SCRN3: variants seen among roughly 807,000 people sequenced by gnomAD.
The protein encoded by SCRN3 is secernin 3.
A neutral mutation model predicts 43.1 loss-of-function variants in SCRN3; 39 were observed. The observed-to-expected ratio is 0.91, with a 90% CI of 0.70 to 1.18. The LOEUF (loss-of-function observed/expected upper bound fraction) is 1.18, where lower values mean the gene tolerates loss of function less well. Ranked by LOEUF, SCRN3 falls within the 50% of genes most tolerant of loss-of-function variation. The pLI, the probability that SCRN3 is intolerant of heterozygous loss-of-function variation, is 0.00. For synonymous variants in SCRN3, 147 were observed against 163.1 expected, an observed-to-expected ratio of 0.90 and a Z score of 0.75; for missense variants, 484 against 498.0, an observed-to-expected ratio of 0.97 and a Z score of 0.27.
intron 4 of SCRN3, 111 bp downstream of exon 4, chr2:174,401,300 G>A (rs1027029023): frequency 2.5e-6 from 2 of 804,940 alleles, no homozygotes; most frequent in South Asian, 2.1e-5. Flanking sequence ...GTGTAATGAA[G>A]GGTTGAACTG....
intron 5 of SCRN3, among the ~76,000 whole-genome samples, chr2:174,412,069 T>C (rs920767960): frequency 2.0e-5 from 3 of 151,988 alleles, no homozygotes; most frequent in Non-Finnish European, 4.4e-5. Flanking sequence ...CTGGAAAGAA[T>C]GCATGGAACA....
rs16862572 is a variant in SCRN3, at chr2:174,428,111, T to C, written c.*216T>C. The C allele has an allele frequency of 0.037, 12,344 of 330,114 alleles. 1,318 individuals carry two copies. The highest frequency in any genetic ancestry group is 0.23 in the African/African-American group (11,075 of 47,462). 20.4% of individuals were successfully genotyped at this position (330,114 alleles called of 1,614,324 possible). ...GGAATTGGATTCATGTATCGTGGGA[T>C]ACAGGTGTTATTTCAGGTGATGTAC... On this transcript the variant is annotated 3_prime_UTR_variant, in exon 8 of 8. Coordinates refer to ENST00000272732, the MANE Select transcript of SCRN3 (RefSeq NM_024583.5).
At chr2:174,402,552 G>A (rs1232530161) in intron 4 of SCRN3, among the ~76,000 whole-genome samples, 1 of 152,120 alleles carries the variant, frequency 6.6e-6, no homozygotes, top group African/African-American at 2.4e-5. Context: ...GCTGAGTGTG[G>A]TGGTGTGTAC....
At chr2:174,425,402 A>G (rs1686447605) in intron 7 of SCRN3, among the ~76,000 whole-genome samples, 1 of 152,174 alleles carries the variant, frequency 6.6e-6, no homozygotes, top group Non-Finnish European at 1.5e-5. Flanking sequence ...ATGAAAGAAA[A>G]CATTAACCAT....
chr2:174,409,952 G>T (rs1182395643), intron 5 of SCRN3: 6 of 144,770 alleles, frequency 4.1e-5, no homozygotes, highest in African/African-American at 1.5e-4. Context: ...GCCTACAGAG[G>T]CAGGCAGGCC....
chr2:174,426,907 A>G (rs1250228397), intron 7 of SCRN3, among the ~76,000 whole-genome samples: 2 of 151,408 alleles, frequency 1.3e-5, no homozygotes, highest in African/African-American at 4.8e-5. Flanking sequence ...ATCTCAGCTC[A>G]CTGCAACCTC....
At position 174,421,088 on chromosome 2, in the gene SCRN3, A is replaced by G. The variant is rs1488480983; in HGVS notation, c.755-1797A>G. 5.3e-5 allele frequency among the ~76,000 whole-genome samples: 8 copies of G among 152,334 alleles called. No homozygotes were observed. In the South Asian group the frequency reaches 1.2e-3, roughly 24 times the overall value. On this transcript the variant is annotated intron_variant, in intron 5 of 7. Coordinates refer to ENST00000272732, the MANE Select transcript of SCRN3 (RefSeq NM_024583.5). ...GAAACACATCCAGAGGAAAAAAAAT[A>G]TCTTCAAGGAACAAATATAAAGCTG...
chr2:174,422,107 T>C (rs1457469396), intron 5 of SCRN3, among the ~76,000 whole-genome samples: 3 of 152,056 alleles, frequency 2.0e-5, no homozygotes, highest in Non-Finnish European at 4.4e-5. Context: ...TCAGTAACTA[T>C]ATTATATTTA....
intron 5 of SCRN3, among the ~76,000 whole-genome samples, chr2:174,409,751 G>A (rs1685833556): frequency 6.9e-6 from 1 of 144,464 alleles, no homozygotes. Context: ...GCTGGGAGGT[G>A]CCTCCCAGTT....
At chr2:174,401,326 A>C (rs1335338728) in intron 4 of SCRN3, 137 bp downstream of exon 4, 6 of 670,058 alleles carry the variant, frequency 9.0e-6, no homozygotes, top group Non-Finnish European at 1.5e-5. Context: ...GAAATTTAAA[A>C]ATTTGAAAGA....
At chr2:174,413,149 G>A (rs1312022949) in intron 5 of SCRN3, among the ~76,000 whole-genome samples, 1 of 151,926 alleles carries the variant, frequency 6.6e-6, no homozygotes, top group Admixed American at 6.6e-5. Context: ...TGGGATTACG[G>A]GCATGAGCCA....
chr2:174,427,177 A>T (rs1293702707), intron 7 of SCRN3, among the ~76,000 whole-genome samples: 1 of 152,176 alleles, frequency 6.6e-6, no homozygotes, highest in Non-Finnish European at 1.5e-5. Context: ...CTTATAACTG[A>T]TCATGGTGAT....
intron 6 of SCRN3, among the ~76,000 whole-genome samples, chr2:174,423,777 C>CT (rs67646903): frequency 0.045 from 4,301 of 95,818 alleles, 792 homozygotes; most frequent in African/African-American, 0.18. Flanking sequence ...CCAAGTCTTC[C>CT]TTTTTTTTTT....
rs1467943002 is a variant in SCRN3, at chr2:174,429,386, CAT to C, written c.*1492_*1493del. The C allele has an allele frequency of 5.9e-5, 9 of 152,312 alleles. No individual in the cohort carries two copies. Among genetic ancestry groups the C allele is most frequent in the African/African-American group, 2.2e-4 (9 of 41,572 alleles). 9.4% of individuals were successfully genotyped at this position (152,312 alleles called of 1,614,324 possible). On this transcript the variant is annotated 3_prime_UTR_variant, in exon 8 of 8. Coordinates refer to ENST00000272732, the MANE Select transcript of SCRN3 (RefSeq NM_024583.5). Reference sequence around the variant, plus strand: ...CATTTTTGTTCTTTATTTCCACCCACATGAGTCACTGCAGCCAATCTATTACA... The same window carrying C: ...CATTTTTGTTCTTTATTTCCACCCACGAGTCACTGCAGCCAATCTATTACA...
At chr2:174,419,998 G>A (rs1250776176) in intron 5 of SCRN3, among the ~76,000 whole-genome samples, 1 of 151,964 alleles carries the variant, frequency 6.6e-6, no homozygotes, top group East Asian at 1.9e-4. Context: ...AGAGACGAAG[G>A]GCCTAGATCC....
At chr2:174,400,833 T>G (rs1685482798) in intron 3 of SCRN3, among the ~76,000 whole-genome samples, 157 bp from the exon 4 acceptor site, 1 of 152,236 alleles carries the variant, frequency 6.6e-6, no homozygotes, top group African/African-American at 2.4e-5. Flanking sequence ...GATTCCAAAC[T>G]GACTTCAGAA....
chr2:174,427,578 T>C, intron 7 of SCRN3, 135 bp from the exon 8 acceptor site: 1 of 455,712 alleles, frequency 2.2e-6, no homozygotes, highest in Non-Finnish European at 3.9e-6. Flanking sequence ...TCTTTCTGTC[T>C]CTAAAGAACA....
At chr2:174,427,463 T>C (rs1485987713) in intron 7 of SCRN3, among the ~76,000 whole-genome samples, 1 of 152,214 alleles carries the variant, frequency 6.6e-6, no homozygotes, top group African/African-American at 2.4e-5. Flanking sequence ...TTTTTACTTA[T>C]AAACTACTCT....
Position 174,398,327 on chromosome 2 carries a change from C to T in SCRN3, c.44C>T (p.Ala15Val). The change falls in exon 2 of 8, where the codon GCA becomes GTA. Residue 15 changes from alanine to valine, a missense_variant. Coordinates refer to ENST00000272732, the MANE Select transcript of SCRN3 (RefSeq NM_024583.5). ...SCDTFVALPPATVDNRIIFGK... is the reference protein window; with the variant it reads ...SCDTFVALPPVTVDNRIIFGK... Reference sequence around the variant, plus strand: ...GACACTTTCGTGGCATTACCTCCAGCAACAGTCGATAACAGGATTATTTTT... The same window carrying T: ...GACACTTTCGTGGCATTACCTCCAGTAACAGTCGATAACAGGATTATTTTT... 1.2e-6 allele frequency: 2 copies of T among 1,600,872 alleles called. No homozygotes were observed. Among genetic ancestry groups the T allele is most frequent in the Non-Finnish European group, 1.7e-6 (2 of 1,175,338 alleles).
Sources: allele counts gnomAD v4.1 joint callset (sites outside exome capture counted in the v4.1 genomes callset), GRCh38; gene constraint gnomAD v4.1.1; transcripts MANE v1.5; gene names NCBI Gene and HGNC (gene_info 2026-07-23, HGNC 2026-07-21).